PEMT: variants seen among roughly 807,000 people sequenced by gnomAD.
The protein encoded by PEMT is phosphatidylethanolamine N-methyltransferase, also known as phospholipid methyltransferase.
A neutral mutation model predicts 27.4 loss-of-function variants in PEMT; 23 were observed. That is an observed-to-expected ratio of 0.84 (90% CI 0.60 to 1.19). PEMT has a LOEUF of 1.19. Ranked by LOEUF, PEMT falls within the 50% of genes most tolerant of loss-of-function variation. The pLI, the probability that PEMT is intolerant of heterozygous loss-of-function variation, is 0.00. For synonymous variants in PEMT, 137 were observed against 139.1 expected, an observed-to-expected ratio of 0.98 and a Z score of 0.11; for missense variants, 307 against 310.1, an observed-to-expected ratio of 0.99 and a Z score of 0.07.
At chr17:17,518,199 G>A (rs184368097) in intron 3 of PEMT, 14 of 970,966 alleles carry the variant, frequency 1.4e-5, no homozygotes, top group African/African-American at 1.8e-5. Flanking sequence ...TAACAAGCTC[G>A]GCTGTCTCCT....
intron 2 of PEMT, among the ~76,000 whole-genome samples, chr17:17,548,073 C>A (rs77390726): frequency 3.3e-5 from 5 of 152,258 alleles, no homozygotes; most frequent in African/African-American, 9.6e-5. Context: ...AACCTCCCCC[C>A]ACCTCCCGGG....
intron 2 of PEMT, among the ~76,000 whole-genome samples, chr17:17,539,034 T>C (rs1908696101): frequency 6.6e-6 from 1 of 152,214 alleles, no homozygotes; most frequent in African/African-American, 2.4e-5. Context: ...TCTTAAAGAT[T>C]AGTATATTTT....
intron 2 of PEMT, among the ~76,000 whole-genome samples, chr17:17,541,126 T>C (rs1908852831): frequency 6.6e-6 from 1 of 152,180 alleles, no homozygotes. Flanking sequence ...ACAGGATTGT[T>C]GCTGACGTTA....
intron 2 of PEMT, among the ~76,000 whole-genome samples, chr17:17,533,780 G>T (rs529418199): frequency 3.8e-4 from 58 of 151,764 alleles, no homozygotes; most frequent in African/African-American, 1.1e-3. Context: ...GCCCAGGCTG[G>T]AGTGCAGTGG....
chr17:17,571,731 C>A, intron 2 of PEMT, among the ~76,000 whole-genome samples: 1 of 147,906 alleles, frequency 6.8e-6, no homozygotes, highest in African/African-American at 2.5e-5. Context: ...TTTTCTGATA[C>A]AGGGTCTCAC....
chr17:17,591,509 G>C, intron 1 of PEMT, 22 bp downstream of exon 1: 1 of 1,580,364 alleles, frequency 6.3e-7, no homozygotes, highest in Non-Finnish European at 8.7e-7. Flanking sequence ...CAGTTTCCGC[G>C]GCGGTCCGGT....
In PEMT at chr17:17,567,255, A is replaced by T. The variant is rs529321619; in HGVS notation, c.204+9665T>A. Among the ~76,000 whole-genome samples, 216 of 152,360 alleles carry T rather than the reference A, an allele frequency of 1.4e-3. 1 individual carries two copies. The highest frequency in any genetic ancestry group is 6.8e-3 in the Middle Eastern group (2 of 294). On this transcript the variant is annotated intron_variant, in intron 2 of 6. Coordinates refer to ENST00000255389, the MANE Select transcript of PEMT (RefSeq NM_148172.3). ...TTTTGTTCCTGTCCATGTCACTCCC[A>T]GCCATCCTGGCACAGGCTGTGAGCT... is the stretch of plus-strand genomic sequence containing the variant.
intron 2 of PEMT, among the ~76,000 whole-genome samples, chr17:17,554,481 C>T (rs1218861518): frequency 6.6e-6 from 1 of 152,242 alleles, no homozygotes; most frequent in Admixed American, 6.5e-5. Context: ...GCTTGCCTCC[C>T]TGCTCTGGCT....
chr17:17,569,910 TTA>T (rs1171001007), intron 2 of PEMT, among the ~76,000 whole-genome samples: 2 of 152,138 alleles, frequency 1.3e-5, no homozygotes, highest in Non-Finnish European at 2.9e-5. Flanking sequence ...GCTGCCTATC[TTA>T]TCTTCACTGG....
chr17:17,520,734 C>T (rs981678389), intron 3 of PEMT, among the ~76,000 whole-genome samples: 4 of 152,346 alleles, frequency 2.6e-5, no homozygotes, highest in East Asian at 1.9e-4. Context: ...GGACCAAGAC[C>T]GTGGGATAGC....
In PEMT at chr17:17,522,299, T is replaced by A. The variant is rs753370914; in HGVS notation, c.301A>T (p.Asn101Tyr). The A allele has an allele frequency of 6.2e-7, 1 of 1,613,510 alleles. No individual in the cohort carries two copies. Among genetic ancestry groups the A allele is most frequent in the South Asian group, 1.1e-5 (1 of 91,062 alleles). ...GCTTACCAGTGCGAGCGCAGGAAGT[T>A]CAGGAGCAGGATGGTGACGCTTAGA... ...YSLSVTILLL[N>Y]FLRSHCFTQA... Residue 101 changes from asparagine to tyrosine, a missense_variant, in exon 3 of 7, where the codon AAC becomes TAC. By Grantham distance (143) the Asn-to-Tyr change is moderately radical. Coordinates refer to ENST00000255389, the MANE Select transcript of PEMT (RefSeq NM_148172.3).
intron 1 of PEMT, among the ~76,000 whole-genome samples, chr17:17,587,978 G>A (rs1343259730): frequency 6.6e-6 from 1 of 152,108 alleles, no homozygotes; most frequent in Admixed American, 6.6e-5. Flanking sequence ...TATATACAAA[G>A]GATAATATGT....
intron 3 of PEMT, among the ~76,000 whole-genome samples, chr17:17,521,414 T>C (rs1907252631): frequency 6.6e-6 from 1 of 152,174 alleles, no homozygotes; most frequent in South Asian, 2.1e-4. Context: ...GTGGGCCTTG[T>C]CTAGCCTGGT....
intron 2 of PEMT, among the ~76,000 whole-genome samples, chr17:17,560,021 A>T (rs4646369): frequency 6.6e-6 from 1 of 152,084 alleles, no homozygotes; most frequent in Non-Finnish European, 1.5e-5. Flanking sequence ...GCCAAGACCC[A>T]GTCTCCAAGA....
At chr17:17,553,432 G>A (rs9897362) in intron 2 of PEMT, among the ~76,000 whole-genome samples, 16,376 of 152,210 alleles carry the variant, frequency 0.11, 1,411 homozygotes, top group African/African-American at 0.24. Flanking sequence ...TGGAAAGAGC[G>A]TAGGCAACCA....
At chr17:17,514,375 G>T (rs370700740) in intron 3 of PEMT, among the ~76,000 whole-genome samples, 7 of 152,334 alleles carry the variant, frequency 4.6e-5, no homozygotes, top group Middle Eastern at 3.4e-3. Flanking sequence ...CATATTCATC[G>T]ACTGGAGAGA....
intron 1 of PEMT, among the ~76,000 whole-genome samples, chr17:17,584,866 G>A (rs1435692631): frequency 1.3e-5 from 2 of 152,234 alleles, no homozygotes; most frequent in Non-Finnish European, 2.9e-5. Context: ...TCCTAGCCTG[G>A]GAGGTGGGAA....
At chr17:17,508,494 T>G (rs989180815) in intron 5 of PEMT, among the ~76,000 whole-genome samples, 1 of 152,248 alleles carries the variant, frequency 6.6e-6, no homozygotes, top group Non-Finnish European at 1.5e-5. Context: ...GCGCTTGACA[T>G]TCACTGTTTA....
intron 2 of PEMT, among the ~76,000 whole-genome samples, chr17:17,571,630 G>A (rs1379195296): frequency 6.6e-6 from 1 of 152,162 alleles, no homozygotes; most frequent in Non-Finnish European, 1.5e-5. Context: ...AAGGCACACA[G>A]TGGGCCTGGG....
Sources: allele counts gnomAD v4.1 joint callset (sites outside exome capture counted in the v4.1 genomes callset), GRCh38; gene constraint gnomAD v4.1.1; transcripts MANE v1.5; gene names NCBI Gene and HGNC (gene_info 2026-07-23, HGNC 2026-07-21).